The following C11orf65 variants were observed in gnomAD, a reference collection of about 807,000 sequenced individuals.
C11orf65 encodes protein MFI.
Under a neutral mutation model 35.3 loss-of-function variants are expected in C11orf65, and 38 were observed. The ratio of observed to expected loss-of-function variants is 1.08; its 90% CI spans 0.83 to 1.41. C11orf65 has a LOEUF of 1.41. Among genes scored for constraint, C11orf65 ranks in the 40% most tolerant of loss-of-function variants. The probability of loss-of-function intolerance (pLI) is 0.00; values close to 1 mark genes in which losing one functional copy is unlikely to be tolerated. For synonymous variants in C11orf65, 105 were observed against 114.4 expected, an observed-to-expected ratio of 0.92 and a Z score of 0.53; for missense variants, 370 against 367.1, an observed-to-expected ratio of 1.01 and a Z score of -0.06.
intron 3 of C11orf65, among the ~76,000 whole-genome samples, chr11:108,423,802 G>C (rs1489399598): frequency 6.6e-6 from 1 of 152,176 alleles, no homozygotes; most frequent in African/African-American, 2.4e-5. Flanking sequence ...GACTCCAGCA[G>C]ACCTGCAGCA....
intron 2 of C11orf65, among the ~76,000 whole-genome samples, chr11:108,438,789 TG>T (rs1220081839): frequency 1.3e-5 from 2 of 152,036 alleles, no homozygotes; most frequent in African/African-American, 2.4e-5. Context: ...GCAGATCACT[TG>T]AGGTCAGGAG....
chr11:108,324,808 T>C (rs1490525166), intron 6 of C11orf65, among the ~76,000 whole-genome samples: 1 of 152,220 alleles, frequency 6.6e-6, no homozygotes, highest in African/African-American at 2.4e-5. Context: ...TTTAATAATG[T>C]TGGTAAATGA....
chr11:108,457,371 C>T lies in C11orf65; in HGVS notation c.81+4108G>A, dbSNP rs1027194365. On this transcript the variant is annotated intron_variant, in intron 2 of 8. Coordinates refer to ENST00000393084, the MANE Select transcript of C11orf65 (RefSeq NM_152587.5). Reference sequence around the variant, plus strand: ...AAAATAGTTAAAAATGGGCCAGGCGCGGTGGCTCACACCTGTAATCCCAGC... The same window carrying T: ...AAAATAGTTAAAAATGGGCCAGGCGTGGTGGCTCACACCTGTAATCCCAGC... Among the ~76,000 whole-genome samples, 4 of 152,158 alleles carry T rather than the reference C, an allele frequency of 2.6e-5. No homozygotes were observed. The South Asian group carries it at 8.3e-4, about 32-fold the overall frequency.
At chr11:108,414,534 G>A (rs2092704699) in intron 3 of C11orf65, among the ~76,000 whole-genome samples, 1 of 151,816 alleles carries the variant, frequency 6.6e-6, no homozygotes, top group African/African-American at 2.4e-5. Context: ...AATTTTAATA[G>A]GCCTATCTCT....
At chr11:108,467,573 C>G (rs941108152), upstream of C11orf65, 3 of 152,170 alleles carry the variant, frequency 2.0e-5, no homozygotes, top group Non-Finnish European at 4.4e-5. Context: ...CTCCTAGCCC[C>G]GCCTTCTAGG....
intron 2 of C11orf65, among the ~76,000 whole-genome samples, chr11:108,359,329 T>A (rs1300009088): frequency 1.3e-5 from 2 of 151,868 alleles, no homozygotes; most frequent in Non-Finnish European, 2.9e-5. Flanking sequence ...AGACTTAGAA[T>A]CCCACACATT....
At chr11:108,421,940 C>CT (rs944707608) in intron 3 of C11orf65, among the ~76,000 whole-genome samples, 15 of 151,392 alleles carry the variant, frequency 9.9e-5, no homozygotes, top group South Asian at 2.1e-4. Context: ...GATGGTTATT[C>CT]TTTTTTTTTG....
chr11:108,356,611 T>C (rs746714166), intron 2 of C11orf65, among the ~76,000 whole-genome samples: 30 of 151,600 alleles, frequency 2.0e-4, no homozygotes, highest in Non-Finnish European at 3.4e-4. Flanking sequence ...TATTCTTTAG[T>C]ATTTTACTCT....
chr11:108,453,674 CAT>C (rs1345777775), intron 2 of C11orf65, among the ~76,000 whole-genome samples: 1 of 152,184 alleles, frequency 6.6e-6, no homozygotes, highest in African/African-American at 2.4e-5. Flanking sequence ...GAAGTGATCA[CAT>C]GCTTTTTGTC....
chr11:108,391,292 T>C (rs148242269), intron 7 of C11orf65, among the ~76,000 whole-genome samples: 32 of 152,362 alleles, frequency 2.1e-4, no homozygotes, highest in African/African-American at 7.5e-4. Context: ...ATATAATTCA[T>C]ATGCCATACA....
At chr11:108,416,336 G>A (rs1009391212) in intron 3 of C11orf65, among the ~76,000 whole-genome samples, 6 of 152,120 alleles carry the variant, frequency 3.9e-5, no homozygotes, top group African/African-American at 1.4e-4. Flanking sequence ...CGATACATAA[G>A]CATATGAAAA....
intron 2 of C11orf65, among the ~76,000 whole-genome samples, chr11:108,351,702 CTA>C (rs1404840109): frequency 1.3e-5 from 2 of 152,154 alleles, no homozygotes; most frequent in Non-Finnish European, 2.9e-5. Context: ...AAGTTAAGGG[CTA>C]GGCCTGCAAC....
At chr11:108,439,450 A>T (rs2093116339) in intron 2 of C11orf65, among the ~76,000 whole-genome samples, 1 of 152,252 alleles carries the variant, frequency 6.6e-6, no homozygotes, top group Non-Finnish European at 1.5e-5. Context: ...ACATTGAATT[A>T]CATAATCCAG....
At chr11:108,388,053 T>TGC (rs2092054305) in intron 7 of C11orf65, among the ~76,000 whole-genome samples, 1 of 152,224 alleles carries the variant, frequency 6.6e-6, no homozygotes, top group Admixed American at 6.5e-5. Flanking sequence ...GCAGACTTTG[T>TGC]GCTTTCAGTG....
intron 2 of C11orf65, among the ~76,000 whole-genome samples, chr11:108,448,983 A>G (rs1055725774): frequency 1.3e-5 from 2 of 152,204 alleles, no homozygotes; most frequent in Admixed American, 1.3e-4. Context: ...ATTCTTATAC[A>G]CCAATAACAG....
intron 6 of C11orf65, chr11:108,316,263 G>A: frequency 1.2e-6 from 1 of 866,258 alleles, no homozygotes; most frequent in Non-Finnish European, 1.9e-6. Context: ...AACATTCAGG[G>A]ATACTCCTGA....
rs546337576 is a variant in C11orf65, at chr11:108,447,819, C to T, written c.81+13660G>A. ...CTGAAGGAAATAGAGACACAAAAAACGCTTCAAAAAATTAATGAATTCAGG... is the reference window on the plus strand; with the variant it reads ...CTGAAGGAAATAGAGACACAAAAAATGCTTCAAAAAATTAATGAATTCAGG... On this transcript the variant is annotated intron_variant, in intron 2 of 8. Transcript: ENST00000393084. 2.1e-3 allele frequency among the ~76,000 whole-genome samples: 320 copies of T among 152,188 alleles called. 4 individuals carry two copies. Among genetic ancestry groups the T allele is most frequent in the African/African-American group, 7.3e-3 (304 of 41,502 alleles).
chr11:108,430,885 A>T (rs1460825444), intron 3 of C11orf65, among the ~76,000 whole-genome samples: 1 of 138,148 alleles, frequency 7.2e-6, no homozygotes, highest in African/African-American at 2.6e-5. Context: ...CCCAAAACCC[A>T]TAAGGATAGG....
Position 108,431,788 on chromosome 11 carries a change from T to C in C11orf65, c.132A>G (p.Gln44=), listed in dbSNP as rs1591540513. The C allele has an allele frequency of 1.3e-6, 2 of 1,528,468 alleles. No individual in the cohort carries two copies. The highest frequency in any genetic ancestry group is 1.8e-6 in the Non-Finnish European group (2 of 1,123,630). The allele number at this position is 1,528,468 out of a possible 1,614,324, so 94.7% of individuals were successfully genotyped here. The part of the protein sequence containing the change: ...HFKSLIDLRR[Q]GEPRQIVKYI... ...ATTTCACTATCTGACGTGGTTCTCC[T>C]TGTCTTCTTAAATCAATCAGACTTT... The change falls in exon 3 of 9, where the codon CAA becomes CAG. Residue 44 remains glutamine, a synonymous_variant. Transcript: ENST00000393084.
Sources: gnomAD v4.1 joint callset for allele counts (sites outside exome capture counted in the v4.1 genomes callset) on GRCh38, gnomAD v4.1.1 for gene constraint, MANE v1.5 for transcripts, NCBI Gene and HGNC (gene_info 2026-07-23, HGNC 2026-07-21) for gene names.